SMC4: variants seen among roughly 807,000 people sequenced by gnomAD.
SMC4 encodes structural maintenance of chromosomes protein 4.
In SMC4, 87 loss-of-function variants were observed where a neutral mutation model predicts 145.6. The observed-to-expected ratio is 0.60, with a 90% CI of 0.50 to 0.71. The LOEUF (loss-of-function observed/expected upper bound fraction) is 0.71. Ranked by LOEUF, SMC4 falls within the 30% of genes least tolerant of loss-of-function variation. The probability of loss-of-function intolerance (pLI) is 0.00; values close to 1 mark genes in which losing one functional copy is unlikely to be tolerated. For missense variants in SMC4, 1,447 were observed against 1,537.1 expected (o/e 0.94, Z 0.98); for synonymous variants, 558 against 500.7 (o/e 1.11, Z -1.53).
chr3:160,407,274 T>G (rs1468177361), intron 5 of SMC4, among the ~76,000 whole-genome samples: 1 of 152,198 alleles, frequency 6.6e-6, no homozygotes, highest in African/African-American at 2.4e-5. Context: ...CGAACCAGGC[T>G]GGGTGCATTA....
intron 18 of SMC4, among the ~76,000 whole-genome samples, chr3:160,429,318 A>C (rs374975694): frequency 4.1e-4 from 62 of 152,248 alleles, no homozygotes; most frequent in African/African-American, 1.5e-3. Context: ...TAGCAAAATT[A>C]ATTCTCTTGG....
At chr3:160,418,936 C>T (rs1227368426) in intron 11 of SMC4, among the ~76,000 whole-genome samples, 1 of 152,024 alleles carries the variant, frequency 6.6e-6, no homozygotes, top group Non-Finnish European at 1.5e-5. Flanking sequence ...CCCCCCAGCC[C>T]CGTTCAGCTA....
Position 160,416,332 on chromosome 3 carries a change from GA to G in SMC4, c.1359del (p.Glu454ArgfsTer7). On this transcript the variant is annotated frameshift_variant, in exon 10 of 24. Coordinates refer to ENST00000357388, the MANE Select transcript of SMC4 (RefSeq NM_001002800.3). LOFTEE classifies it high-confidence loss of function. ...TTTRNNALEK[E>X]KEKEEKKLKE... The stretch of plus-strand genomic sequence containing the variant: ...AACCAGAAACAATGCCCTCGAGAAG[GA>G]AAAAGAGAAAGAAGAAAAAAAATTA... The G allele has an allele frequency of 6.2e-7, 1 of 1,601,522 alleles. No individual in the cohort carries two copies. Among genetic ancestry groups the G allele is most frequent in the African/African-American group, 1.4e-5 (1 of 73,794 alleles).
chr3:160,428,377 A>G (rs547538143), intron 17 of SMC4, among the ~76,000 whole-genome samples: 2 of 152,268 alleles, frequency 1.3e-5, no homozygotes, highest in Admixed American at 1.3e-4. Flanking sequence ...AATAACCACA[A>G]TTTCTTCATT....
At position 160,431,090 on chromosome 3, in the gene SMC4, T is replaced by C. The variant is rs150287972; in HGVS notation, c.2999T>C (p.Ile1000Thr). The change falls in exon 20 of 24, where the codon ATT becomes ACT. Residue 1000 changes from isoleucine to threonine, a missense_variant. Physicochemically the swap from Ile to Thr is moderately conservative, Grantham distance 89. Coordinates refer to ENST00000357388, the MANE Select transcript of SMC4 (RefSeq NM_001002800.3). ...HRNLLQELKV[I>T]QENEHALQKD... The stretch of plus-strand genomic sequence containing the variant: ...AATCTGCTTCAAGAATTAAAAGTTA[T>C]TCAAGAAAATGAACATGCTCTTCAA... 1.1e-5 allele frequency: 17 copies of C among 1,607,940 alleles called. No homozygotes were observed. The highest frequency in any genetic ancestry group is 4.0e-5 in the African/African-American group (3 of 74,544).
At chr3:160,420,069 A>T (rs984591771) in intron 12 of SMC4, among the ~76,000 whole-genome samples, 8 of 152,222 alleles carry the variant, frequency 5.3e-5, no homozygotes, top group Admixed American at 2.0e-4. Flanking sequence ...AGTGAGGACC[A>T]TTACTGCTTC....
chr3:160,401,024 G>A (rs1714557965), intron 2 of SMC4, 59 bp downstream of exon 2: 1 of 1,359,238 alleles, frequency 7.4e-7, no homozygotes. Flanking sequence ...AGGCAAACGC[G>A]CCCAGCCCGA....
intron 7 of SMC4, among the ~76,000 whole-genome samples, chr3:160,413,186 G>A (rs747672535): frequency 6.6e-6 from 1 of 151,808 alleles, no homozygotes; most frequent in Non-Finnish European, 1.5e-5. Context: ...GTTTCGCCAT[G>A]TTGCCCAAGC....
At chr3:160,431,364 TAAC>T (rs1718385356) in intron 20 of SMC4, among the ~76,000 whole-genome samples, 159 bp downstream of exon 20, 2 of 152,162 alleles carry the variant, frequency 1.3e-5, no homozygotes, top group South Asian at 4.1e-4. Context: ...ATAGGGGACA[TAAC>T]AATATAAATT....
At chr3:160,416,684 T>A in intron 10 of SMC4, 1 of 194,664 alleles carries the variant, frequency 5.1e-6, no homozygotes, top group Non-Finnish European at 1.0e-5. Flanking sequence ...ATGCCACTCC[T>A]AAGCGTGTTG....
rs193012747 is a variant in SMC4 at position 160,418,498 on chromosome 3, T to A, written c.1671+542T>A. On this transcript the variant is annotated intron_variant, in intron 11 of 23. Coordinates refer to ENST00000357388, the MANE Select transcript of SMC4 (RefSeq NM_001002800.3). ...AAAACCTCAGTAGGCAAGGTGGCAA[T>A]AAAAAAAAAATCTGTTTGAAGTGTA... is the stretch of plus-strand genomic sequence containing the variant. Among the ~76,000 whole-genome samples, 80 of 149,298 alleles carry A rather than the reference T, an allele frequency of 5.4e-4. No individual in the cohort carries two copies. The East Asian group carries it at 0.015, about 28-fold the overall frequency.
chr3:160,430,631 G>C lies in SMC4; in HGVS notation c.2828G>C (p.Arg943Pro). The change falls in exon 19 of 24, where the codon CGT becomes CCT. Residue 943 changes from arginine (R) to proline (P), a missense_variant. Physicochemically the swap from Arg to Pro is moderately radical, Grantham distance 103. Transcript: ENST00000357388. ...CAAAAGGCACAAGACTCTGTCTTGC[G>C]TACAGAGAAAGAAATAAAAGATACT... ...NLQKAQDSVL[R>P]TEKEIKDTEK... 1 of 1,612,862 alleles carries C rather than the reference G, an allele frequency of 6.2e-7. No individual in the cohort carries two copies. The highest frequency in any genetic ancestry group is 1.7e-4 in the Middle Eastern group (1 of 6,054).
At chr3:160,429,768 G>T (rs1160737427) in intron 18 of SMC4, among the ~76,000 whole-genome samples, 5 of 148,456 alleles carry the variant, frequency 3.4e-5, no homozygotes, top group Non-Finnish European at 5.9e-5. Context: ...CCAGGCTGGA[G>T]TACAGTGGCG....
In SMC4 at chr3:160,434,795, T is replaced by C. The variant is rs190375752; in HGVS notation, c.*986T>C. The C allele has an allele frequency of 2.8e-4, 42 of 152,314 alleles. No individual in the cohort carries two copies. In the East Asian group the frequency reaches 7.9e-3, roughly 29 times the overall value. The allele number at this position is 152,314 out of a possible 1,614,324, so 9.4% of individuals were successfully genotyped here. A position where few individuals can be genotyped will look rare whatever the true frequency, so the allele number is the denominator to read the frequency against. On this transcript the variant is annotated 3_prime_UTR_variant, in exon 24 of 24. Coordinates refer to ENST00000357388, the MANE Select transcript of SMC4 (RefSeq NM_001002800.3). ...GCCCTAGCTGTTAAATTTCTGGGTA[T>C]TTATCCTAAGGAATTAATTAAAGAG...
intron 5 of SMC4, among the ~76,000 whole-genome samples, chr3:160,407,516 G>C (rs1204061887): frequency 6.6e-6 from 1 of 151,960 alleles, no homozygotes; most frequent in Non-Finnish European, 1.5e-5. Flanking sequence ...TCGTACCACT[G>C]CACTCCAGCC....
intron 4 of SMC4, 79 bp from the exon 5 acceptor site, chr3:160,404,249 A>G (rs1405480173): frequency 1.4e-5 from 18 of 1,322,576 alleles, no homozygotes; most frequent in Non-Finnish European, 1.9e-5. Context: ...TAGTTTCAGT[A>G]TGAAATGAGT....
At chr3:160,414,322 T>C (rs759492992) in intron 8 of SMC4, 45 bp from the exon 9 acceptor site, 6 of 1,478,508 alleles carry the variant, frequency 4.1e-6, no homozygotes, top group African/African-American at 1.4e-5. Flanking sequence ...TTTTAAAATA[T>C]GTGCACATTC....
intron 2 of SMC4, 136 bp downstream of exon 2, chr3:160,401,101 A>G (rs1559985137): frequency 3.7e-5 from 44 of 1,202,884 alleles, no homozygotes; most frequent in Non-Finnish European, 4.4e-5. Context: ...GTAGAGGCTC[A>G]GGAAAGCCAT....
chr3:160,432,778 A>G (rs1347410715), intron 22 of SMC4: 7 of 524,912 alleles, frequency 1.3e-5, no homozygotes, highest in Admixed American at 7.1e-5. Context: ...GTATTTGATA[A>G]GGAGAAAGAA....
Sources: gnomAD v4.1 joint callset for allele counts (sites outside exome capture counted in the v4.1 genomes callset) on GRCh38, gnomAD v4.1.1 for gene constraint, MANE v1.5 for transcripts, NCBI Gene and HGNC (gene_info 2026-07-23, HGNC 2026-07-21) for gene names.